The following C12orf71 variants were observed in gnomAD, a reference collection of about 807,000 sequenced individuals.
C12orf71 encodes chromosome 12 open reading frame 71.
C12orf71 carries 10 observed loss-of-function variants against 11.7 expected under a neutral mutation model. The observed-to-expected ratio is 0.86, with a 90% CI of 0.53 to 1.45. The LOEUF (loss-of-function observed/expected upper bound fraction) is 1.45, where lower values mean the gene tolerates loss of function less well. C12orf71 is among the 40% of genes most tolerant of loss of function. The pLI, the probability that C12orf71 is intolerant of heterozygous loss-of-function variation, is 0.00. For synonymous variants in C12orf71, 110 were observed against 123.4 expected (o/e 0.89, Z 0.72); for missense variants, 293 against 325.8 (o/e 0.90, Z 0.78).
upstream of C12orf71, among the ~76,000 whole-genome samples, chr12:27,082,804 C>G (rs1941948641): frequency 6.6e-6 from 1 of 151,892 alleles, no homozygotes; most frequent in African/African-American, 2.4e-5. Context: ...TCTCGAACTC[C>G]TGACCTCAGG....
rs376451189 is a variant in C12orf71 at position 27,082,124 on chromosome 12, T to C, written c.360A>G (p.Pro120=). The part of the protein sequence containing the change: ...NGDNLWIDKL[P]KERTKLSVGK... ...CAACAGACAGTTTTGTTCTCTCTTTTGGTAACTTGTCTATCCACAGGTTGT... is the reference window on the plus strand; with the variant it reads ...CAACAGACAGTTTTGTTCTCTCTTTCGGTAACTTGTCTATCCACAGGTTGT... Residue 120 remains proline, a synonymous_variant, in exon 1 of 2, where the codon CCA becomes CCG. Transcript: ENST00000429849. 61 of 1,613,266 alleles carry C rather than the reference T, an allele frequency of 3.8e-5. No homozygotes were observed. Among genetic ancestry groups the C allele is most frequent in the Non-Finnish European group, 4.8e-5 (57 of 1,179,592 alleles).
chr12:27,082,366 A>C lies in C12orf71; in HGVS notation c.118T>G (p.Ser40Ala), dbSNP rs1256426030. The change falls in exon 1 of 2, where the codon TCC becomes GCC. Residue 40 changes from serine (S) to alanine (A), a missense_variant. Transcript: ENST00000429849. ...CCCTTGGAAGGTGCATCTTCCCAGG[A>C]GGTTGTGTCCTCACAGGGGGTGTCC... ...CEDTPCEDTT[S>A]WEDAPSKGPS... 5 of 1,593,786 alleles carry C rather than the reference A, an allele frequency of 3.1e-6. No homozygotes were observed. Among genetic ancestry groups the C allele is most frequent in the Non-Finnish European group, 3.4e-6 (4 of 1,171,704 alleles).
At position 27,081,198 on chromosome 12, in the gene C12orf71, G is replaced by C; in HGVS notation, c.786C>G (p.Thr262=). The change falls in exon 2 of 2, where the codon ACC becomes ACG. Residue 262 remains threonine, a synonymous_variant. Coordinates refer to ENST00000429849, the MANE Select transcript of C12orf71 (RefSeq NM_001080406.2). The part of the protein sequence containing the change: ...HRGKRIQPQE[T]LELGHPI The stretch of plus-strand genomic sequence containing the variant: ...TCTATATGGGATGTCCTAATTCAAG[G>C]GTTTCTTGAGGTTGAATTCTCTTGC... 1 of 1,612,908 alleles carries C rather than the reference G, an allele frequency of 6.2e-7. No homozygotes were observed.
upstream of C12orf71, among the ~76,000 whole-genome samples, chr12:27,083,935 TGTGCACGTGCATGCACGC>T (rs1941957071): frequency 6.6e-6 from 1 of 152,204 alleles, no homozygotes; most frequent in African/African-American, 2.4e-5. Flanking sequence ...GCTGGAAGAA[TGTGCACGTGCATGCACGC>T]GTGCACGCGC....
rs563920102 is a variant in C12orf71 at position 27,081,124 on chromosome 12, A to T, written c.*50T>A. The stretch of plus-strand genomic sequence containing the variant: ...ACAAACTGATGGGGATTATTAATGG[A>T]ATCCTTATTATGGATTATTTTAAAC... On this transcript the variant is annotated 3_prime_UTR_variant, in exon 2 of 2. Transcript: ENST00000429849. 2 of 1,395,822 alleles carry T rather than the reference A, an allele frequency of 1.4e-6. No homozygotes were observed. Among genetic ancestry groups the T allele is most frequent in the South Asian group, 2.7e-5 (2 of 73,316 alleles). The allele number at this position is 1,395,822 out of a possible 1,614,324, so 86.5% of individuals were successfully genotyped here.
upstream of C12orf71, among the ~76,000 whole-genome samples, chr12:27,083,404 C>A (rs1305596049): frequency 6.6e-6 from 1 of 152,142 alleles, no homozygotes; most frequent in African/African-American, 2.4e-5. Context: ...AAAGGATGAT[C>A]ATTGTATAAA....
rs1591805384 is a variant in C12orf71, at chr12:27,082,413, G to A, written c.71C>T (p.Ser24Phe). 1.3e-6 allele frequency: 2 copies of A among 1,541,772 alleles called. No individual in the cohort carries two copies. The highest frequency in any genetic ancestry group is 2.1e-5 in the Admixed American group (1 of 46,552). The change falls in exon 1 of 2, where the codon TCT (serine) becomes TTT (phenylalanine). Residue 24 changes from serine (S) to phenylalanine (F), a missense_variant. Physicochemically the swap from Ser to Phe is radical, Grantham distance 155. Coordinates refer to ENST00000429849, the MANE Select transcript of C12orf71 (RefSeq NM_001080406.2). ...SSKSNSNLSL[S>F]VGYFPCEDTP... ...GTCCTCACAGGGGAAATAGCCCACA[G>A]AGAGGCTCAGGTTGGAATTGGATTT...
At position 27,081,180 on chromosome 12, in the gene C12orf71, G is replaced by A; in HGVS notation, c.804C>T (p.Pro268=). ...QPQETLELGH[P]I ...AAAAAGTTTAAAAATCTGTCTATAT[G>A]GGATGTCCTAATTCAAGGGTTTCTT... Residue 268 remains proline, a synonymous_variant, in exon 2 of 2, where the codon CCC becomes CCT. Transcript: ENST00000429849. The A allele has an allele frequency of 6.2e-7, 1 of 1,608,722 alleles. No individual in the cohort carries two copies. The highest frequency in any genetic ancestry group is 8.5e-7 in the Non-Finnish European group (1 of 1,176,202).
upstream of C12orf71, among the ~76,000 whole-genome samples, chr12:27,083,188 C>T (rs1285964713): frequency 7.2e-5 from 11 of 152,080 alleles, no homozygotes; most frequent in East Asian, 1.9e-4. Context: ...CTACCTGCCT[C>T]GGCCTCCCAA....
Position 27,082,138 on chromosome 12 carries a change from T to A in C12orf71, c.346A>T (p.Ile116Leu), listed in dbSNP as rs780971670. 28 of 1,613,572 alleles carry A rather than the reference T, an allele frequency of 1.7e-5. 1 individual carries two copies. The highest frequency in any genetic ancestry group is 3.3e-5 in the South Asian group (3 of 90,996). The change falls in exon 1 of 2, where the codon ATA becomes TTA. Residue 116 changes from isoleucine (I) to leucine (L), a missense_variant. By Grantham distance (5) the Ile-to-Leu change is conservative. Coordinates refer to ENST00000429849, the MANE Select transcript of C12orf71 (RefSeq NM_001080406.2). ...NRLLNGDNLW[I>L]DKLPKERTKL... Reference sequence around the variant, plus strand: ...GTTCTCTCTTTTGGTAACTTGTCTATCCACAGGTTGTCTCCATTTAGAAGC... The same window carrying A: ...GTTCTCTCTTTTGGTAACTTGTCTAACCACAGGTTGTCTCCATTTAGAAGC...
At position 27,082,325 on chromosome 12, in the gene C12orf71, A is replaced by G; in HGVS notation, c.159T>C (p.Phe53=). The change falls in exon 1 of 2, where the codon TTT becomes TTC. Residue 53 remains phenylalanine (F), a synonymous_variant. Coordinates refer to ENST00000429849, the MANE Select transcript of C12orf71 (RefSeq NM_001080406.2). ...CCCATGCCCCTTGGACGGGAGGCAGAAAGTGGATGGAAGGACCCTTGGAAG... is the reference window on the plus strand; with the variant it reads ...CCCATGCCCCTTGGACGGGAGGCAGGAAGTGGATGGAAGGACCCTTGGAAG... ...DAPSKGPSIH[F]LPPVQGAWGT... The G allele has an allele frequency of 2.5e-6, 4 of 1,601,040 alleles. No individual in the cohort carries two copies. The highest frequency in any genetic ancestry group is 3.4e-6 in the Non-Finnish European group (4 of 1,174,434).
chr12:27,081,734 C>T, intron 1 of C12orf71: 1 of 706,400 alleles, frequency 1.4e-6, no homozygotes, highest in South Asian at 1.5e-5. Flanking sequence ...TCCTTGTTGT[C>T]TCCCACTGGT....
Position 27,082,496 on chromosome 12 carries a change from C to A in C12orf71, c.-13G>T. 3 of 1,444,604 alleles carry A rather than the reference C, an allele frequency of 2.1e-6. No homozygotes were observed. The highest frequency in any genetic ancestry group is 2.6e-5 in the Admixed American group (1 of 37,790). The allele number at this position is 1,444,604 out of a possible 1,614,324, so 89.5% of individuals were successfully genotyped here. ...ATGAATATGCCATGGAGTTCAAAGGCACAAATTTCTCTCAACTTGAGAAGC... is the reference window on the plus strand; with the variant it reads ...ATGAATATGCCATGGAGTTCAAAGGAACAAATTTCTCTCAACTTGAGAAGC... On this transcript the variant is annotated 5_prime_UTR_variant, in exon 1 of 2. Transcript: ENST00000429849.
rs558072357 is a variant in C12orf71 at position 27,081,580 on chromosome 12, A to G, written c.517-113T>C. On this transcript the variant is annotated intron_variant, in intron 1 of 1. Coordinates refer to ENST00000429849, the MANE Select transcript of C12orf71 (RefSeq NM_001080406.2). ...TTTACCAAAAATAGCCCAAGTGTCA[A>G]TGCAGAGTTTCAATGCTCATCAATA... 2.0e-4 allele frequency: 210 copies of G among 1,032,662 alleles called. 3 individuals carry two copies. Among genetic ancestry groups the G allele is most frequent in the African/African-American group, 1.8e-3 (115 of 63,086 alleles). The allele number at this position is 1,032,662 out of a possible 1,614,324, so 64.0% of individuals were successfully genotyped here.
rs544686402 is a variant in C12orf71, at chr12:27,082,065, A to G, written c.419T>C (p.Ile140Thr). 7 of 1,606,370 alleles carry G rather than the reference A, an allele frequency of 4.4e-6. No individual in the cohort carries two copies. The Admixed American group carries it at 6.8e-5, about 16-fold the overall frequency. The change falls in exon 1 of 2, where the codon ATA (isoleucine) becomes ACA (threonine). Residue 140 changes from isoleucine (I) to threonine (T), a missense_variant. Coordinates refer to ENST00000429849, the MANE Select transcript of C12orf71 (RefSeq NM_001080406.2). The stretch of plus-strand genomic sequence containing the variant: ...ATCATCTTTCAGATTTTCTAGAAAT[A>G]TCTGAAACTCTTGCACAAGATTATT... ...KLNNLVQEFQ[I>T]FLENLKDDDA...
Position 27,082,051 on chromosome 12 carries a change from G to C in C12orf71, c.433C>G (p.Leu145Val), listed in dbSNP as rs1163059418. 3.1e-6 allele frequency: 5 copies of C among 1,601,972 alleles called. No individual in the cohort carries two copies. The highest frequency in any genetic ancestry group is 1.7e-5 in the Admixed American group (1 of 58,000). The stretch of plus-strand genomic sequence containing the variant: ...GGAAATACAGCGTCATCATCTTTCA[G>C]ATTTTCTAGAAATATCTGAAACTCT... ...VQEFQIFLEN[L>V]KDDDAVFPET... Residue 145 changes from leucine to valine, a missense_variant, in exon 1 of 2, where the codon CTG (leucine) becomes GTG (valine). Coordinates refer to ENST00000429849, the MANE Select transcript of C12orf71 (RefSeq NM_001080406.2).
At chr12:27,083,416 T>C (rs1442017036), upstream of C12orf71, among the ~76,000 whole-genome samples, 1 of 152,194 alleles carries the variant, frequency 6.6e-6, no homozygotes, top group African/African-American at 2.4e-5. Flanking sequence ...TTGTATAAAA[T>C]TGGAAAAATA....
Position 27,082,248 on chromosome 12 carries a change from T to G in C12orf71, c.236A>C (p.Glu79Ala), listed in dbSNP as rs747776775. ...GCTTAGTTTGCAAAACTGCTCTGGTTCATCCTGAATTTGGTCTTGTCTCTT... is the reference window on the plus strand; with the variant it reads ...GCTTAGTTTGCAAAACTGCTCTGGTGCATCCTGAATTTGGTCTTGTCTCTT... The part of the protein sequence containing the change: ...RMKRQDQIQD[E>A]PEQFCKLSIF... Residue 79 changes from glutamate to alanine, a missense_variant, in exon 1 of 2, where the codon GAA becomes GCA. Glu to Ala is a moderately radical substitution (Grantham distance 107). Transcript: ENST00000429849. 1 of 1,613,050 alleles carries G rather than the reference T, an allele frequency of 6.2e-7. No individual in the cohort carries two copies. Among genetic ancestry groups the G allele is most frequent in the East Asian group, 2.2e-5 (1 of 44,868 alleles).
Position 27,082,506 on chromosome 12 carries a change from T to C in C12orf71, c.-23A>G. ...CATGGAGTTCAAAGGCACAAATTTC[T>C]CTCAACTTGAGAAGCTTCAAAAAAG... On this transcript the variant is annotated 5_prime_UTR_variant, in exon 1 of 2. Coordinates refer to ENST00000429849, the MANE Select transcript of C12orf71 (RefSeq NM_001080406.2). 6.9e-7 allele frequency: 1 copy of C among 1,445,020 alleles called. No homozygotes were observed. Among genetic ancestry groups the C allele is most frequent in the Non-Finnish European group, 9.1e-7 (1 of 1,097,888 alleles). The allele number at this position is 1,445,020 out of a possible 1,614,324, so 89.5% of individuals were successfully genotyped here.
Sources: allele counts gnomAD v4.1 joint callset (sites outside exome capture counted in the v4.1 genomes callset), GRCh38; gene constraint gnomAD v4.1.1; transcripts MANE v1.5; gene names NCBI Gene and HGNC (gene_info 2026-07-23, HGNC 2026-07-21).